The following UHRF1 variants were observed in gnomAD, a reference collection of about 807,000 sequenced individuals.
UHRF1 encodes E3 ubiquitin-protein ligase UHRF1.
In UHRF1, 9 loss-of-function variants were observed where a neutral mutation model predicts 96.5. The ratio of observed to expected loss-of-function variants is 0.09; its 90% CI spans 0.06 to 0.16. UHRF1 has a LOEUF of 0.16. UHRF1 is among the 10% of genes least tolerant of loss of function. The probability of loss-of-function intolerance (pLI) is 1.00; values close to 1 mark genes in which losing one functional copy is unlikely to be tolerated. For missense variants in UHRF1, 626 were observed against 1,131.1 expected (o/e 0.55, Z 6.40); for synonymous variants, 455 against 469.9 (o/e 0.97, Z 0.41).
At chr19:4,925,515 T>C (rs992584740) in intron 2 of UHRF1, among the ~76,000 whole-genome samples, 1 of 152,150 alleles carries the variant, frequency 6.6e-6, no homozygotes, top group Admixed American at 6.6e-5. Flanking sequence ...TTTTGCCTTA[T>C]ATTTTATTTA....
intron 13 of UHRF1, 35 bp downstream of exon 13, chr19:4,951,031 C>T: frequency 6.4e-7 from 1 of 1,555,796 alleles, no homozygotes; most frequent in Non-Finnish European, 8.7e-7. Flanking sequence ...CTTTGGGAGG[C>T]CAAGGCGGAT....
Position 4,930,571 on chromosome 19 carries a change from T to C in UHRF1, c.409-145T>C, listed in dbSNP as rs2033015305. 1 of 1,045,306 alleles carries C rather than the reference T, an allele frequency of 9.6e-7. No homozygotes were observed. The highest frequency in any genetic ancestry group is 1.4e-6 in the Non-Finnish European group (1 of 721,788). The allele number at this position is 1,045,306 out of a possible 1,614,324, so 64.8% of individuals were successfully genotyped here. A position where few individuals can be genotyped will look rare whatever the true frequency, so the allele number is the denominator to read the frequency against. Reference sequence around the variant, plus strand: ...GGGGCTGGTTTCTCATGGTCAGCGGTTCCCAGCCAGGGAGGAGAAACCTCG... The same window carrying C: ...GGGGCTGGTTTCTCATGGTCAGCGGCTCCCAGCCAGGGAGGAGAAACCTCG... On this transcript the variant is annotated intron_variant, in intron 3 of 16. Transcript: ENST00000650932. The surrounding 1 kb of genome is among the most constrained non-coding windows in gnomAD (Gnocchi z 4.4).
At chr19:4,948,848 G>T (rs1384349257) in intron 11 of UHRF1, among the ~76,000 whole-genome samples, 1 of 151,672 alleles carries the variant, frequency 6.6e-6, no homozygotes, top group Non-Finnish European at 1.5e-5. Context: ...AAGAGGCCAG[G>T]CGTGGTGGCT....
At chr19:4,939,420 C>T (rs1348015765) in intron 5 of UHRF1, among the ~76,000 whole-genome samples, 1 of 151,640 alleles carries the variant, frequency 6.6e-6, no homozygotes, top group Non-Finnish European at 1.5e-5. Flanking sequence ...TGCTGTCTCA[C>T]CTAGGCTAGA....
intron 2 of UHRF1, among the ~76,000 whole-genome samples, chr19:4,920,177 A>G (rs1247281748): frequency 6.6e-6 from 1 of 152,170 alleles, no homozygotes; most frequent in African/African-American, 2.4e-5. Context: ...CATGCTTGTA[A>G]TTTCAGCACT....
intron 2 of UHRF1, among the ~76,000 whole-genome samples, chr19:4,927,769 C>T (rs2032920504): frequency 6.6e-6 from 1 of 152,014 alleles, no homozygotes; most frequent in Non-Finnish European, 1.5e-5. Flanking sequence ...CCCCACGGTC[C>T]AGTGCCCAGA....
Position 4,941,733 on chromosome 19 carries a change from C to T in UHRF1, c.887-12C>T, listed in dbSNP as rs1599281435. The T allele has an allele frequency of 3.9e-6, 6 of 1,548,288 alleles. No homozygotes were observed. The highest frequency in any genetic ancestry group is 4.4e-6 in the Non-Finnish European group (5 of 1,145,754). Reference sequence around the variant, plus strand: ...GGCCCCGCCGGAGCTGACCCTGCCGCCCCGTGCCCAGGGAAGAGCGGGCCG... The same window carrying T: ...GGCCCCGCCGGAGCTGACCCTGCCGTCCCGTGCCCAGGGAAGAGCGGGCCG... On this transcript the variant is annotated splice_polypyrimidine_tract_variant and intron_variant, in intron 6 of 16. Coordinates refer to ENST00000650932, the MANE Select transcript of UHRF1 (RefSeq NM_001048201.3).
intron 15 of UHRF1, among the ~76,000 whole-genome samples, chr19:4,955,648 C>T (rs565541037): frequency 3.9e-5 from 6 of 152,290 alleles, no homozygotes; most frequent in East Asian, 3.9e-4. Context: ...TCCCACCCTA[C>T]GCTGGGGCAG....
At chr19:4,938,490 T>C (rs2033281070) in intron 5 of UHRF1, among the ~76,000 whole-genome samples, 1 of 152,056 alleles carries the variant, frequency 6.6e-6, no homozygotes, top group South Asian at 2.1e-4. Context: ...CCCTCCCTTC[T>C]CATTTATTTG....
chr19:4,930,664 C>G lies in UHRF1; in HGVS notation c.409-52C>G, dbSNP rs1008481711. ...GTGTCCGAGAACCAAGGTGGTCTCC[C>G]GTCAGTTTTCCTCACCCCGTTGGGA... is the stretch of plus-strand genomic sequence containing the variant. On this transcript the variant is annotated intron_variant, in intron 3 of 16. Transcript: ENST00000650932. The surrounding 1 kb of genome is among the most constrained non-coding windows in gnomAD (Gnocchi z 4.4). The G allele has an allele frequency of 9.9e-5, 157 of 1,584,426 alleles. No individual in the cohort carries two copies. Among genetic ancestry groups the G allele is most frequent in the Non-Finnish European group, 1.3e-4 (155 of 1,162,570 alleles).
chr19:4,949,383 C>G (rs2033656644), intron 11 of UHRF1, among the ~76,000 whole-genome samples: 2 of 149,986 alleles, frequency 1.3e-5, no homozygotes, highest in Admixed American at 1.3e-4. Flanking sequence ...TCTAACTCCG[C>G]TTTGAAAAAT....
chr19:4,940,021 C>CAAAAAAAAA (rs529825403), intron 5 of UHRF1, among the ~76,000 whole-genome samples: 1 of 72,632 alleles, frequency 1.4e-5, no homozygotes, highest in African/African-American at 5.3e-5. Flanking sequence ...GAGACTGTCT[C>CAAAAAAAAA]AAAAAAAAAA....
chr19:4,937,885 C>A (rs760197801), intron 5 of UHRF1, among the ~76,000 whole-genome samples: 1 of 151,938 alleles, frequency 6.6e-6, no homozygotes. Flanking sequence ...GTGCAGTGGC[C>A]GATGCCTGTA....
At chr19:4,910,530 A>G (rs1407470769) in intron 1 of UHRF1, 5 of 214,492 alleles carry the variant, frequency 2.3e-5, no homozygotes, top group Non-Finnish European at 4.6e-5. Context: ...GAATCAATGA[A>G]TGAATGAATA....
In UHRF1 at chr19:4,954,317, C is replaced by T. The variant is rs984457060; in HGVS notation, c.1819-33C>T. On this transcript the variant is annotated intron_variant, in intron 13 of 16. Coordinates refer to ENST00000650932, the MANE Select transcript of UHRF1 (RefSeq NM_001048201.3). The surrounding 1 kb of genome is among the most constrained non-coding windows in gnomAD (Gnocchi z 5.9). ...CTCTGCATAGCGTGTGGGCCCCAAG[C>T]CTGACTCACGGCTGTCCCTCTTCCT... 4.4e-6 allele frequency: 7 copies of T among 1,605,278 alleles called. No homozygotes were observed. Among genetic ancestry groups the T allele is most frequent in the Non-Finnish European group, 1.7e-6 (2 of 1,177,062 alleles).
chr19:4,943,462 C>T (rs535369042), intron 7 of UHRF1, among the ~76,000 whole-genome samples: 27 of 151,344 alleles, frequency 1.8e-4, no homozygotes, highest in Non-Finnish European at 2.7e-4. Flanking sequence ...GTGGTCATTC[C>T]TCCAGCACAG....
intron 2 of UHRF1, among the ~76,000 whole-genome samples, chr19:4,921,463 T>C (rs1213044197): frequency 8.8e-5 from 13 of 148,256 alleles, no homozygotes. Flanking sequence ...AAAAGGAAAG[T>C]TGGTCAGGAT....
chr19:4,903,129 C>G, exon 1 of UHRF1: 1 of 353,366 alleles, frequency 2.8e-6, no homozygotes, highest in Non-Finnish European at 5.4e-6. Flanking sequence ...TGGGTTCAAG[C>G]AATTCTCCTG....
intron 11 of UHRF1, among the ~76,000 whole-genome samples, chr19:4,948,349 C>T (rs1286667973): frequency 6.6e-6 from 1 of 151,946 alleles, no homozygotes; most frequent in Non-Finnish European, 1.5e-5. Context: ...CATCATAAAG[C>T]CCAAAGGAAA....
Sources: allele counts gnomAD v4.1 joint callset (sites outside exome capture counted in the v4.1 genomes callset), GRCh38; gene constraint gnomAD v4.1.1; non-coding constraint Gnocchi (gnomAD v3.1); transcripts MANE v1.5; gene names NCBI Gene and HGNC (gene_info 2026-07-23, HGNC 2026-07-21).